The following VAMP1 variants were observed in gnomAD, a reference collection of about 807,000 sequenced individuals.
VAMP1 encodes the protein vesicle-associated membrane protein 1.
In VAMP1, 16 loss-of-function variants were observed where a neutral mutation model predicts 19.1. The ratio of observed to expected loss-of-function variants is 0.84; its 90% CI spans 0.57 to 1.27. VAMP1 has a LOEUF of 1.27. Ranked by LOEUF, VAMP1 falls within the 50% of genes most tolerant of loss-of-function variation. The pLI is 0.00. For synonymous variants in VAMP1, 37 were observed against 50.2 expected (o/e 0.74, Z 1.11); for missense variants, 109 against 145.4 (o/e 0.75, Z 1.29).
chr12:6,465,446 A>ACATATATATAAATGTATATATATG (rs1310403719), intron 3 of VAMP1: 14 of 140,200 alleles, frequency 1.0e-4, no homozygotes, highest in African/African-American at 4.4e-4. Context: ...ATATATGTAT[A>ACATATATATAAATGTATATATATG]TATACATATG....
rs1945747701 is a variant in VAMP1, at chr12:6,470,560, T to A, written c.-29A>T. The stretch of plus-strand genomic sequence containing the variant: ...TCTGACAGAGAGAGTGAGGGTCTGT[T>A]CCTCTCCGGAGGCTGCGGCGAGACA... On this transcript the variant is annotated 5_prime_UTR_variant, in exon 1 of 5. Coordinates refer to ENST00000396308, the MANE Select transcript of VAMP1 (RefSeq NM_014231.5). The A allele has an allele frequency of 1.2e-6, 2 of 1,613,840 alleles. No homozygotes were observed. The highest frequency in any genetic ancestry group is 2.2e-5 in the South Asian group (2 of 91,058).
chr12:6,463,426 C>T lies in VAMP1; in HGVS notation c.*1044G>A, dbSNP rs1418484436. ...CTCATCCCTGTCTTTGGCAAGTGCACGGGTGGTGTGGAGGAAAGGATTCCA... is the reference window on the plus strand; with the variant it reads ...CTCATCCCTGTCTTTGGCAAGTGCATGGGTGGTGTGGAGGAAAGGATTCCA... On this transcript the variant is annotated 3_prime_UTR_variant, in exon 5 of 5. Transcript: ENST00000396308. This position sits in a 1 kb window ranked among gnomAD's most constrained non-coding sequence, Gnocchi z 4.0. 5 of 1,052,542 alleles carry T rather than the reference C, an allele frequency of 4.8e-6. No homozygotes were observed. The highest frequency in any genetic ancestry group is 6.1e-5 in the South Asian group (2 of 32,968). The allele number at this position is 1,052,542 out of a possible 1,614,324, so 65.2% of individuals were successfully genotyped here.
chr12:6,463,936 G>T lies in VAMP1; in HGVS notation c.*534C>A, dbSNP rs754924386. The T allele has an allele frequency of 1.9e-5, 25 of 1,289,414 alleles. No homozygotes were observed. Among genetic ancestry groups the T allele is most frequent in the Admixed American group, 6.9e-5 (3 of 43,546 alleles). 79.9% of individuals were successfully genotyped at this position (1,289,414 alleles called of 1,614,324 possible). On this transcript the variant is annotated 3_prime_UTR_variant, in exon 5 of 5. Coordinates refer to ENST00000396308, the MANE Select transcript of VAMP1 (RefSeq NM_014231.5). The surrounding 1 kb of genome is among the most constrained non-coding windows in gnomAD (Gnocchi z 4.0). ...AGTTTTTACTTTCGAAAAGGGTACTGCACTGAAACCAAGTTGGACTTTGGT... is the reference window on the plus strand; with the variant it reads ...AGTTTTTACTTTCGAAAAGGGTACTTCACTGAAACCAAGTTGGACTTTGGT...
At position 6,464,256 on chromosome 12, in the gene VAMP1, T is replaced by C. The variant is rs1373468217; in HGVS notation, c.*214A>G. 1 of 1,526,696 alleles carries C rather than the reference T, an allele frequency of 6.6e-7. No homozygotes were observed. The highest frequency in any genetic ancestry group is 8.8e-7 in the Non-Finnish European group (1 of 1,135,910). 94.6% of individuals were successfully genotyped at this position (1,526,696 alleles called of 1,614,324 possible). On this transcript the variant is annotated 3_prime_UTR_variant, in exon 5 of 5. Coordinates refer to ENST00000396308, the MANE Select transcript of VAMP1 (RefSeq NM_014231.5). ...GCAGGGAGGAGGCGCCAGCTGTTGC[T>C]CTTCGGGTAATGACTTAGATTGTGC...
In VAMP1 at chr12:6,462,882, A is replaced by G. The variant is rs1045452; in HGVS notation, c.*1588T>C. On this transcript the variant is annotated 3_prime_UTR_variant, in exon 5 of 5. Coordinates refer to ENST00000396308, the MANE Select transcript of VAMP1 (RefSeq NM_014231.5). ...AGGGAATGTGGGAAACAAGGGCGAAAGGAAAGGAAGGATGGTTTTGAGCAA... is the reference window on the plus strand; with the variant it reads ...AGGGAATGTGGGAAACAAGGGCGAAGGGAAAGGAAGGATGGTTTTGAGCAA... 1,131,734 of 1,595,188 alleles carry G rather than the reference A, an allele frequency of 0.71. 402,871 individuals carry two copies. The highest frequency in any genetic ancestry group is 0.79 in the South Asian group (69,111 of 87,930).
intron 1 of VAMP1, among the ~76,000 whole-genome samples, chr12:6,468,700 G>C (rs1341121741): frequency 6.6e-6 from 1 of 152,116 alleles, no homozygotes; most frequent in East Asian, 1.9e-4. Context: ...ACCACTCAAA[G>C]TTAGTGTGTG....
intron 1 of VAMP1, among the ~76,000 whole-genome samples, chr12:6,469,358 G>C (rs1945710648): frequency 6.6e-6 from 1 of 152,156 alleles, no homozygotes; most frequent in Admixed American, 6.5e-5. Flanking sequence ...TAGCCACCAC[G>C]ATTTTTCTGT....
chr12:6,464,113 C>A lies in VAMP1; in HGVS notation c.*357G>T. On this transcript the variant is annotated 3_prime_UTR_variant, in exon 5 of 5. Coordinates refer to ENST00000396308, the MANE Select transcript of VAMP1 (RefSeq NM_014231.5). ...TCACCATGGGCACCGATACTCTTCT[C>A]CTCCCAAGTCTGGGCAGCTTCATGG... is the stretch of plus-strand genomic sequence containing the variant. The A allele has an allele frequency of 7.5e-7, 1 of 1,333,962 alleles. No individual in the cohort carries two copies. Among genetic ancestry groups the A allele is most frequent in the Non-Finnish European group, 9.8e-7 (1 of 1,017,706 alleles). The allele number at this position is 1,333,962 out of a possible 1,614,324, so 82.6% of individuals were successfully genotyped here. A position where few individuals can be genotyped will look rare whatever the true frequency, so the allele number is the denominator to read the frequency against.
rs989743232 is a variant in VAMP1, at chr12:6,470,633, G to C, written c.-102C>G. ...GAAGTGGACGGAACTGCCAAGCTCC[G>C]CCTCGCGCCGACTACCCCGCGGTCT... On this transcript the variant is annotated 5_prime_UTR_variant, in exon 1 of 5. Transcript: ENST00000396308. The C allele has an allele frequency of 1.9e-5, 29 of 1,512,314 alleles. No homozygotes were observed. Among genetic ancestry groups the C allele is most frequent in the African/African-American group, 1.8e-4 (13 of 72,842 alleles). The allele number at this position is 1,512,314 out of a possible 1,614,324, so 93.7% of individuals were successfully genotyped here. A position where few individuals can be genotyped will look rare whatever the true frequency, so the allele number is the denominator to read the frequency against.
In VAMP1 at chr12:6,462,622, C is replaced by A; in HGVS notation, c.*1848G>T. ...AACAAGGCCAACTACACCTGGTGAG[C>A]CTCAGAGGGACAGAAACCCAGGAAT... is the stretch of plus-strand genomic sequence containing the variant. On this transcript the variant is annotated 3_prime_UTR_variant, in exon 5 of 5. Transcript: ENST00000396308. 1.6e-6 allele frequency: 1 copy of A among 629,380 alleles called. No individual in the cohort carries two copies. Among genetic ancestry groups the A allele is most frequent in the Non-Finnish European group, 2.8e-6 (1 of 362,566 alleles). 39.0% of individuals were successfully genotyped at this position (629,380 alleles called of 1,614,324 possible).
chr12:6,464,846 C>A lies in VAMP1; in HGVS notation c.340+44G>T, dbSNP rs751974920. 12 of 1,613,304 alleles carry A rather than the reference C, an allele frequency of 7.4e-6. No individual in the cohort carries two copies. In the South Asian group the frequency reaches 1.3e-4, roughly 18 times the overall value. ...GGCAGGCAGGGAGAAGACTCCAGGA[C>A]CTTCCCACCTCTTCACCCCACCAGC... On this transcript the variant is annotated intron_variant, in intron 4 of 4. Coordinates refer to ENST00000396308, the MANE Select transcript of VAMP1 (RefSeq NM_014231.5).
intron 2 of VAMP1, 35 bp downstream of exon 2, chr12:6,466,190 T>C: frequency 1.9e-6 from 3 of 1,613,946 alleles, no homozygotes; most frequent in African/African-American, 1.3e-5. Context: ...AACTCCTAGA[T>C]TTGGAAACTT....
At chr12:6,468,916 T>C (rs1945698660) in intron 1 of VAMP1, among the ~76,000 whole-genome samples, 1 of 152,132 alleles carries the variant, frequency 6.6e-6, no homozygotes, top group South Asian at 2.1e-4. Context: ...CCAAACATAC[T>C]TCACAGGAGC....
chr12:6,463,106 G>A lies in VAMP1; in HGVS notation c.*1364C>T, dbSNP rs1229999588. On this transcript the variant is annotated 3_prime_UTR_variant, in exon 5 of 5. Coordinates refer to ENST00000396308, the MANE Select transcript of VAMP1 (RefSeq NM_014231.5). The surrounding 1 kb of genome is among the most constrained non-coding windows in gnomAD (Gnocchi z 4.0). ...CCTGAAGCTCAGCAATTGCCCCGAA[G>A]ATAGGCTGAGCAGATCCCATCCTCA... The A allele has an allele frequency of 2.1e-5, 32 of 1,514,328 alleles. No homozygotes were observed. The highest frequency in any genetic ancestry group is 1.8e-4 in the Admixed American group (9 of 49,612). 93.8% of individuals were successfully genotyped at this position (1,514,328 alleles called of 1,614,324 possible).
chr12:6,463,351 G>C lies in VAMP1; in HGVS notation c.*1119C>G. 1 of 1,134,324 alleles carries C rather than the reference G, an allele frequency of 8.8e-7. No individual in the cohort carries two copies. The highest frequency in any genetic ancestry group is 1.1e-6 in the Non-Finnish European group (1 of 919,458). 70.3% of individuals were successfully genotyped at this position (1,134,324 alleles called of 1,614,324 possible). Reference sequence around the variant, plus strand: ...CAAGGTGGGGCTGGTGGGTCTACATGACTTCTCTGCATCCTGAGGATCGGC... The same window carrying C: ...CAAGGTGGGGCTGGTGGGTCTACATCACTTCTCTGCATCCTGAGGATCGGC... On this transcript the variant is annotated 3_prime_UTR_variant, in exon 5 of 5. Transcript: ENST00000396308. The surrounding 1 kb of genome is among the most constrained non-coding windows in gnomAD (Gnocchi z 4.0).
At chr12:6,470,091 G>T (rs989863535) in intron 1 of VAMP1, among the ~76,000 whole-genome samples, 1 of 152,082 alleles carries the variant, frequency 6.6e-6, no homozygotes, top group Admixed American at 6.5e-5. Context: ...GAGATTGTAG[G>T]GCAACATAAG....
At chr12:6,469,938 A>G (rs1170554778) in intron 1 of VAMP1, among the ~76,000 whole-genome samples, 1 of 152,204 alleles carries the variant, frequency 6.6e-6, no homozygotes, top group Non-Finnish European at 1.5e-5. Flanking sequence ...GCTTGGGATG[A>G]CAGGCCACTA....
intron 1 of VAMP1, among the ~76,000 whole-genome samples, chr12:6,468,756 A>G (rs537195298): frequency 3.9e-5 from 6 of 152,220 alleles, no homozygotes; most frequent in Non-Finnish European, 8.8e-5. Flanking sequence ...ATGGAGGCTA[A>G]ACTCACCTCC....
chr12:6,465,677 G>C (rs1409243282), intron 3 of VAMP1, among the ~76,000 whole-genome samples, 165 bp downstream of exon 3: 1 of 151,856 alleles, frequency 6.6e-6, no homozygotes, highest in Non-Finnish European at 1.5e-5. Context: ...GCCAATTCTG[G>C]GTAATGCAAT....
Sources: allele counts gnomAD v4.1 joint callset (sites outside exome capture counted in the v4.1 genomes callset), GRCh38; gene constraint gnomAD v4.1.1; non-coding constraint Gnocchi (gnomAD v3.1); transcripts MANE v1.5; gene names NCBI Gene and HGNC (gene_info 2026-07-23, HGNC 2026-07-21).